Variants in SHISAL2A observed in about 807,000 individuals in gnomAD.
The protein encoded by SHISAL2A is protein shisa-like-2A.
SHISAL2A carries 18 observed loss-of-function variants against 11.5 expected under a neutral mutation model. That is an observed-to-expected ratio of 1.57 (90% CI 1.08 to 2.33). SHISAL2A has a LOEUF of 2.33. SHISAL2A is among the 30% of genes most tolerant of loss of function. The probability of loss-of-function intolerance (pLI) is 0.00; values close to 1 mark genes in which losing one functional copy is unlikely to be tolerated. For synonymous variants in SHISAL2A, 94 were observed against 99.6 expected (o/e 0.94, Z 0.34); for missense variants, 261 against 250.9 (o/e 1.04, Z -0.27).
chr1:52,643,084 G>C (rs769808688), intron 2 of SHISAL2A, 82 bp downstream of exon 2: 154 of 1,410,142 alleles, frequency 1.1e-4, no homozygotes, highest in Non-Finnish European at 1.4e-4. Context: ...AATGATGTTT[G>C]GAACATTTGC....
At chr1:52,663,043 C>A (rs1453213571) in intron 4 of SHISAL2A, among the ~76,000 whole-genome samples, 1 of 152,150 alleles carries the variant, frequency 6.6e-6, no homozygotes, top group Non-Finnish European at 1.5e-5. Flanking sequence ...CCTCCAGCTC[C>A]GGGTTCTCAA....
intron 4 of SHISAL2A, among the ~76,000 whole-genome samples, chr1:52,666,580 G>A (rs184251472): frequency 4.7e-5 from 7 of 147,606 alleles, no homozygotes; most frequent in Non-Finnish European, 3.0e-5. Context: ...CTGTGCACAC[G>A]CGCGTGTGTG....
chr1:52,667,223 C>T (rs1048699874), intron 4 of SHISAL2A, among the ~76,000 whole-genome samples: 1 of 152,178 alleles, frequency 6.6e-6, no homozygotes, highest in African/African-American at 2.4e-5. Context: ...ACTGGTTACC[C>T]AGCTAGTATG....
intron 2 of SHISAL2A, among the ~76,000 whole-genome samples, chr1:52,643,323 C>A (rs1363899228): frequency 6.6e-6 from 1 of 152,242 alleles, no homozygotes; most frequent in South Asian, 2.1e-4. Flanking sequence ...TTAACCCAAA[C>A]AAAATAGAAT....
At chr1:52,649,659 T>C (rs1691582524) in intron 2 of SHISAL2A, among the ~76,000 whole-genome samples, 1 of 152,200 alleles carries the variant, frequency 6.6e-6, no homozygotes, top group Non-Finnish European at 1.5e-5. Flanking sequence ...TTCCTACTGT[T>C]GAGCTGGGCA....
At chr1:52,658,498 A>G (rs1691842701), downstream of SHISAL2A, among the ~76,000 whole-genome samples, 1 of 152,206 alleles carries the variant, frequency 6.6e-6, no homozygotes, top group African/African-American at 2.4e-5. Context: ...CTTACTTGCT[A>G]GGTAACCTCT....
At chr1:52,647,424 G>A (rs919723309) in intron 2 of SHISAL2A, among the ~76,000 whole-genome samples, 3 of 152,070 alleles carry the variant, frequency 2.0e-5, no homozygotes, top group Non-Finnish European at 2.9e-5. Flanking sequence ...TATAAAACAA[G>A]GCAGTATTGA....
chr1:52,662,817 G>A (rs976346347), intron 4 of SHISAL2A, among the ~76,000 whole-genome samples: 1 of 152,104 alleles, frequency 6.6e-6, no homozygotes, highest in African/African-American at 2.4e-5. Context: ...CATAATTCCT[G>A]CCCTCAGGGA....
chr1:52,642,792 A>G (rs1691396197), intron 1 of SHISAL2A, 71 bp from the exon 2 acceptor site: 1 of 1,488,234 alleles, frequency 6.7e-7, no homozygotes, highest in Non-Finnish European at 9.3e-7. Flanking sequence ...GCCTAGCTAC[A>G]ACACTTTTAT....
intron 1 of SHISAL2A, among the ~76,000 whole-genome samples, chr1:52,634,933 A>G (rs893984229): frequency 6.6e-6 from 1 of 152,254 alleles, no homozygotes; most frequent in Non-Finnish European, 1.5e-5. Context: ...ACATATGCCA[A>G]TGACAATTAC....
intron 2 of SHISAL2A, among the ~76,000 whole-genome samples, chr1:52,644,344 C>T (rs766938364): frequency 6.6e-6 from 1 of 152,174 alleles, no homozygotes; most frequent in Non-Finnish European, 1.5e-5. Context: ...CTGAGTGAGC[C>T]CTCTGCAGTG....
chr1:52,637,144 G>A (rs1412798492), intron 1 of SHISAL2A, among the ~76,000 whole-genome samples: 1 of 152,174 alleles, frequency 6.6e-6, no homozygotes, highest in African/African-American at 2.4e-5. Context: ...CCATGTCAGT[G>A]TGTTCCCATT....
chr1:52,639,030 CG>C (rs1691299130), intron 1 of SHISAL2A, among the ~76,000 whole-genome samples: 1 of 152,078 alleles, frequency 6.6e-6, no homozygotes, highest in African/African-American at 2.4e-5. Flanking sequence ...AAAATTAGCT[CG>C]GTGTGGTGGC....
chr1:52,633,554 TGCCCGCG>T lies in SHISAL2A; in HGVS notation c.65_71del (p.Pro22ArgfsTer43). 1 of 1,610,184 alleles carries T rather than the reference TGCCCGCG, an allele frequency of 6.2e-7. No individual in the cohort carries two copies. The highest frequency in any genetic ancestry group is 1.1e-5 in the South Asian group (1 of 90,776). On this transcript the variant is annotated frameshift_variant, in exon 1 of 3. Transcript: ENST00000517870. LOFTEE classifies it high-confidence loss of function. The surrounding 1 kb of genome is among the most constrained non-coding windows in gnomAD (Gnocchi z 6.4). ...GCAGGAGGTGGTGCGCGGCTTCAGC[TGCCCGCG>T]GCCGGGGGGCGAGGCGGCCGCTGTC...
intron 2 of SHISAL2A, among the ~76,000 whole-genome samples, chr1:52,647,453 G>A (rs547642079): frequency 6.6e-6 from 1 of 152,238 alleles, no homozygotes; most frequent in East Asian, 1.9e-4. Context: ...CACCTTAAAA[G>A]ATAAGAAAAA....
At chr1:52,661,495 A>G (rs991911274), downstream of SHISAL2A, among the ~76,000 whole-genome samples, 1 of 152,210 alleles carries the variant, frequency 6.6e-6, no homozygotes. Flanking sequence ...CTCAGGGGCC[A>G]GGGCACAAGA....
chr1:52,638,521 G>C (rs1691287995), intron 1 of SHISAL2A, among the ~76,000 whole-genome samples: 1 of 152,218 alleles, frequency 6.6e-6, no homozygotes, highest in Non-Finnish European at 1.5e-5. Flanking sequence ...GAGTAATCCA[G>C]TGTCTAAGCT....
At chr1:52,654,704 GA>G (rs1408388451) in intron 2 of SHISAL2A, among the ~76,000 whole-genome samples, 4 of 152,068 alleles carry the variant, frequency 2.6e-5, no homozygotes, top group African/African-American at 7.2e-5. Context: ...AGAAAACAGG[GA>G]AAAATCTTCA....
intron 1 of SHISAL2A, among the ~76,000 whole-genome samples, chr1:52,635,543 G>A (rs1298569481): frequency 6.6e-6 from 1 of 152,018 alleles, no homozygotes; most frequent in East Asian, 1.9e-4. Flanking sequence ...CCAGTTTATT[G>A]GTATGGGTTA....
Sources: allele counts gnomAD v4.1 joint callset (sites outside exome capture counted in the v4.1 genomes callset), GRCh38; gene constraint gnomAD v4.1.1; non-coding constraint Gnocchi (gnomAD v3.1); transcripts MANE v1.5; gene names NCBI Gene and HGNC (gene_info 2026-07-23, HGNC 2026-07-21).